Variants in TOX observed in about 807,000 individuals in gnomAD.
TOX encodes the protein thymocyte selection-associated high mobility group box protein TOX.
TOX carries 11 observed loss-of-function variants against 53.7 expected under a neutral mutation model. The observed-to-expected ratio is 0.20, with a 90% CI of 0.13 to 0.34. The LOEUF (loss-of-function observed/expected upper bound fraction) is 0.34. Ranked by LOEUF, TOX falls within the 10% of genes least tolerant of loss-of-function variation. The probability of loss-of-function intolerance (pLI) is 1.00; values close to 1 mark genes in which losing one functional copy is unlikely to be tolerated. For missense variants in TOX, 570 were observed against 664.6 expected, an observed-to-expected ratio of 0.86 and a Z score of 1.56; for synonymous variants, 225 against 245.3, an observed-to-expected ratio of 0.92 and a Z score of 0.77.
At chr8:59,103,478 A>C (rs1804843467) in intron 1 of TOX, among the ~76,000 whole-genome samples, 1 of 152,244 alleles carries the variant, frequency 6.6e-6, no homozygotes, top group South Asian at 2.1e-4. Flanking sequence ...AAGTGCTTCA[A>C]AGTATCATAT....
intron 1 of TOX, among the ~76,000 whole-genome samples, chr8:59,047,393 T>A (rs573371769): frequency 8.1e-5 from 12 of 147,458 alleles, no homozygotes; most frequent in Middle Eastern, 3.4e-3. Flanking sequence ...ATTTTTTTTT[T>A]ATTTTTTTAT....
intron 1 of TOX, among the ~76,000 whole-genome samples, chr8:59,052,096 G>T (rs749264813): frequency 1.3e-5 from 2 of 152,118 alleles, no homozygotes; most frequent in African/African-American, 4.8e-5. Context: ...TTTTGGATGA[G>T]ATCCGAATAT....
chr8:58,832,675 T>C (rs1270242467), intron 5 of TOX, among the ~76,000 whole-genome samples: 1 of 152,168 alleles, frequency 6.6e-6, no homozygotes, highest in Admixed American at 6.6e-5. Context: ...GGCTCATAAT[T>C]GAAGCAAATT....
intron 1 of TOX, among the ~76,000 whole-genome samples, chr8:59,093,576 A>G (rs1563444306): frequency 6.6e-6 from 1 of 152,216 alleles, no homozygotes. Flanking sequence ...AGCTATTGTT[A>G]CAAGTTTATA....
At position 58,959,932 on chromosome 8, in the gene TOX, A is replaced by G. The variant is rs1271875508; in HGVS notation, c.168+11T>C. On this transcript the variant is annotated intron_variant, in intron 2 of 8. Transcript: ENST00000361421. ...AATTTGAAACAAGGCAGAGAAGATT[A>G]ATTAACCCACCTGGCTGGCTGGCAC... is the stretch of plus-strand genomic sequence containing the variant. The G allele has an allele frequency of 6.2e-7, 1 of 1,614,100 alleles. No individual in the cohort carries two copies. Among genetic ancestry groups the G allele is most frequent in the East Asian group, 2.2e-5 (1 of 44,884 alleles).
intron 1 of TOX, among the ~76,000 whole-genome samples, chr8:59,111,954 T>A (rs966677746): frequency 2.6e-5 from 4 of 152,200 alleles, no homozygotes; most frequent in Non-Finnish European, 5.9e-5. Context: ...GTGACCCTGG[T>A]TTCATGACCT....
intron 1 of TOX, among the ~76,000 whole-genome samples, chr8:58,977,953 T>C (rs987252357): frequency 5.3e-5 from 8 of 152,094 alleles, no homozygotes; most frequent in African/African-American, 1.7e-4. Flanking sequence ...AGTGAGCACA[T>C]GGTGTTGTTA....
At chr8:59,114,765 G>A (rs1458748578) in intron 1 of TOX, among the ~76,000 whole-genome samples, 1 of 151,942 alleles carries the variant, frequency 6.6e-6, no homozygotes, top group Non-Finnish European at 1.5e-5. Context: ...TTCAAAATAG[G>A]AATAATGACT....
chr8:59,044,217 T>C (rs1803645685), intron 1 of TOX, among the ~76,000 whole-genome samples: 1 of 133,346 alleles, frequency 7.5e-6, no homozygotes, highest in South Asian at 2.7e-4. Flanking sequence ...ATTTTCCCTT[T>C]CATGGCACTC....
chr8:59,055,187 T>A (rs1480664355), intron 1 of TOX, among the ~76,000 whole-genome samples: 1 of 152,114 alleles, frequency 6.6e-6, no homozygotes, highest in African/African-American at 2.4e-5. Context: ...TGCTGTGATA[T>A]CAAAGGGGGA....
At chr8:58,874,060 T>G (rs991490181) in intron 3 of TOX, among the ~76,000 whole-genome samples, 1 of 143,368 alleles carries the variant, frequency 7.0e-6, no homozygotes. Context: ...TTAATCATAC[T>G]GAAGAAAAAG....
At chr8:59,055,013 C>CAAAG (rs1221529429) in intron 1 of TOX, among the ~76,000 whole-genome samples, 4 of 151,120 alleles carry the variant, frequency 2.6e-5, no homozygotes, top group African/African-American at 9.7e-5. Flanking sequence ...AAAAAAGAGT[C>CAAAG]AAAGAAAGAA....
intron 3 of TOX, 107 bp downstream of exon 3, chr8:58,939,195 A>G: frequency 7.2e-7 from 1 of 1,385,300 alleles, no homozygotes; most frequent in South Asian, 1.4e-5. Context: ...ACAGCTAGAA[A>G]CAGTTTCAGA....
intron 3 of TOX, among the ~76,000 whole-genome samples, chr8:58,885,523 C>T (rs1359182082): frequency 6.6e-6 from 1 of 152,136 alleles, no homozygotes; most frequent in Admixed American, 6.5e-5. Context: ...TAATAATTTA[C>T]TGGGTATCTA....
At chr8:58,888,976 T>A (rs16924199) in intron 3 of TOX, among the ~76,000 whole-genome samples, 14,788 of 151,942 alleles carry the variant, frequency 0.097, 1,092 homozygotes, top group African/African-American at 0.2. Context: ...AATACCTAGA[T>A]CTTTTTCATC....
chr8:59,071,631 T>C (rs902977145), intron 1 of TOX, among the ~76,000 whole-genome samples: 3 of 152,184 alleles, frequency 2.0e-5, no homozygotes, highest in Non-Finnish European at 1.5e-5. Context: ...CATAATGCCC[T>C]ATAGTATTAG....
chr8:59,016,003 A>C (rs935774977), intron 1 of TOX, among the ~76,000 whole-genome samples: 4 of 152,332 alleles, frequency 2.6e-5, no homozygotes, highest in Admixed American at 6.5e-5. Flanking sequence ...AATCTCTAGC[A>C]GGCGATTTTC....
chr8:59,048,123 A>G (rs2129421138), intron 1 of TOX, among the ~76,000 whole-genome samples: 1 of 152,238 alleles, frequency 6.6e-6, no homozygotes, highest in East Asian at 1.9e-4. Flanking sequence ...CTCAAGATCA[A>G]AATGGCCATG....
At chr8:59,092,044 GT>G (rs1253521312) in intron 1 of TOX, among the ~76,000 whole-genome samples, 8 of 151,600 alleles carry the variant, frequency 5.3e-5, no homozygotes, top group African/African-American at 1.9e-4. Flanking sequence ...GAGGTCAGGA[GT>G]TCCAGACCAG....
Sources: gnomAD v4.1 joint callset for allele counts (sites outside exome capture counted in the v4.1 genomes callset) on GRCh38, gnomAD v4.1.1 for gene constraint, MANE v1.5 for transcripts, NCBI Gene and HGNC (gene_info 2026-07-23, HGNC 2026-07-21) for gene names.